Variants in TMEM181 observed in about 807,000 individuals in gnomAD.
The protein encoded by TMEM181 is G protein-coupled receptor 178.
In TMEM181, 39 loss-of-function variants were observed where a neutral mutation model predicts 71.9. That is an observed-to-expected ratio of 0.54 (90% confidence interval 0.42 to 0.71). The LOEUF (loss-of-function observed/expected upper bound fraction) is 0.71. TMEM181 is among the 30% of genes least tolerant of loss of function. The probability of loss-of-function intolerance (pLI) is 0.00; values close to 1 mark genes in which losing one functional copy is unlikely to be tolerated. For missense variants in TMEM181, 595 were observed against 583.0 expected, an observed-to-expected ratio of 1.02 and a Z score of -0.21; for synonymous variants, 245 against 228.8, an observed-to-expected ratio of 1.07 and a Z score of -0.64.
At chr6:158,543,986 C>T (rs146065776) in intron 1 of TMEM181, among the ~76,000 whole-genome samples, 1,559 of 152,222 alleles carry the variant, frequency 0.01, 12 homozygotes, top group Non-Finnish European at 0.017. Flanking sequence ...TTAGATCGGC[C>T]GCTGTGCTTA....
At chr6:158,573,613 T>A in intron 2 of TMEM181, 90 bp downstream of exon 2, 4 of 1,113,344 alleles carry the variant, frequency 3.6e-6, no homozygotes, top group Non-Finnish European at 5.3e-6. Context: ...GCCCCTATCT[T>A]CCACTGCTAA....
intron 1 of TMEM181, among the ~76,000 whole-genome samples, chr6:158,545,097 C>T (rs192169591): frequency 1.7e-3 from 258 of 152,312 alleles, no homozygotes; most frequent in Admixed American, 2.7e-3. Flanking sequence ...CTCCAGGCCC[C>T]GTTCCCCTGC....
intron 13 of TMEM181, chr6:158,626,490 C>T (rs1459038856): frequency 1.5e-5 from 7 of 456,426 alleles, no homozygotes; most frequent in East Asian, 7.0e-5. Context: ...GACAAGGGGC[C>T]TCTGGGAGGT....
At position 158,623,590 on chromosome 6, in the gene TMEM181, G is replaced by C; in HGVS notation, c.937G>C (p.Asp313His). 1 of 1,583,256 alleles carries C rather than the reference G, an allele frequency of 6.3e-7. No homozygotes were observed. The highest frequency in any genetic ancestry group is 8.6e-7 in the Non-Finnish European group (1 of 1,162,000). Residue 313 changes from aspartate (D) to histidine (H), a missense_variant, in exon 11 of 17, where the codon GAT becomes CAT. Coordinates refer to ENST00000684151, the MANE Select transcript of TMEM181 (RefSeq NM_001376852.1). ...LHDPMYQYRV[D>H]TGNFQGMKVF... Reference sequence around the variant, plus strand: ...TGATCCAATGTACCAGTATCGAGTTGATACCGGAAATTTTCAGGTAAGGAT... The same window carrying C: ...TGATCCAATGTACCAGTATCGAGTTCATACCGGAAATTTTCAGGTAAGGAT...
At position 158,631,983 on chromosome 6, in the gene TMEM181, A is replaced by T; in HGVS notation, c.*95A>T. On this transcript the variant is annotated 3_prime_UTR_variant, in exon 17 of 17. Coordinates refer to ENST00000684151, the MANE Select transcript of TMEM181 (RefSeq NM_001376852.1). ...CCTGTTATATTCAGATTTTTCTTAC[A>T]AGCAGAGATTTCCTGTTCATTTGTT... The T allele has an allele frequency of 8.6e-7, 1 of 1,169,354 alleles. No individual in the cohort carries two copies. The highest frequency in any genetic ancestry group is 1.2e-6 in the Non-Finnish European group (1 of 819,650). 72.4% of individuals were successfully genotyped at this position (1,169,354 alleles called of 1,614,324 possible).
Position 158,571,189 on chromosome 6 carries a change from C to T in TMEM181, c.9-2231C>T, listed in dbSNP as rs187470951. ...TTGGCTCACTGCAAGCTCCGCCTCC[C>T]GGGTTCGTGCCATTCTCCCGCCTCA... On this transcript the variant is annotated intron_variant, in intron 1 of 16. Coordinates refer to ENST00000684151, the MANE Select transcript of TMEM181 (RefSeq NM_001376852.1). 6.6e-3 allele frequency among the ~76,000 whole-genome samples: 999 copies of T among 152,252 alleles called. 9 individuals carry two copies. The highest frequency in any genetic ancestry group is 0.022 in the African/African-American group (902 of 41,560).
intron 16 of TMEM181, 41 bp downstream of exon 16, chr6:158,631,430 T>C: frequency 6.3e-7 from 1 of 1,597,688 alleles, no homozygotes; most frequent in East Asian, 2.2e-5. Flanking sequence ...ACCTTGGGCA[T>C]CCCGGCACGG....
chr6:158,558,655 CA>C (rs1455477080), upstream of TMEM181, among the ~76,000 whole-genome samples: 14 of 152,206 alleles, frequency 9.2e-5, no homozygotes, highest in Non-Finnish European at 1.8e-4. Context: ...GCATCCTCCT[CA>C]ATTAGGGTGT....
rs534206077 is a variant in TMEM181, at chr6:158,541,549, G to A, written c.131+4684G>A. On this transcript the variant is annotated intron_variant, in intron 1 of 16. Coordinates refer to the TMEM181 transcript ENST00000367090. ...GGCAGTATTGGCAGCCAGGCGCCAC[G>A]TCTCCCTCTCCCCACACAAAGCTCA... is the stretch of plus-strand genomic sequence containing the variant. Among the ~76,000 whole-genome samples the A allele has an allele frequency of 3.8e-4, 58 of 152,288 alleles. 1 individual carries two copies. In the East Asian group the frequency reaches 9.6e-3, roughly 25 times the overall value.
intron 10 of TMEM181, chr6:158,611,749 A>C (rs948103807): frequency 1.3e-5 from 3 of 235,780 alleles, no homozygotes; most frequent in African/African-American, 7.0e-5. Flanking sequence ...AAACAGGAAA[A>C]GCGGCTCAAC....
In TMEM181 at chr6:158,633,872, T is replaced by A. The variant is rs767441498; in HGVS notation, c.*1984T>A. ...TTTACAACTTCTAATAAGACTACTA[T>A]AACTTTATGTAAACTGATGAAGATG... is the stretch of plus-strand genomic sequence containing the variant. On this transcript the variant is annotated 3_prime_UTR_variant, in exon 17 of 17. Coordinates refer to ENST00000684151, the MANE Select transcript of TMEM181 (RefSeq NM_001376852.1). 2.6e-5 allele frequency: 4 copies of A among 152,234 alleles called. No homozygotes were observed. 9.4% of individuals were successfully genotyped at this position (152,234 alleles called of 1,614,324 possible). A position where few individuals can be genotyped will look rare whatever the true frequency, so the allele number is the denominator to read the frequency against.
chr6:158,597,274 C>G (rs1784432526), intron 6 of TMEM181, among the ~76,000 whole-genome samples: 1 of 152,156 alleles, frequency 6.6e-6, no homozygotes, highest in African/African-American at 2.4e-5. Context: ...GTGTCTTAGT[C>G]TATGCTTCTG....
At chr6:158,542,706 G>T (rs762554056) in intron 1 of TMEM181, among the ~76,000 whole-genome samples, 8 of 151,918 alleles carry the variant, frequency 5.3e-5, no homozygotes, top group Admixed American at 3.3e-4. Flanking sequence ...CTGGGTTCAA[G>T]CAATTCTTGT....
At chr6:158,611,020 C>G in intron 10 of TMEM181, 1 of 454,080 alleles carries the variant, frequency 2.2e-6, no homozygotes, top group Non-Finnish European at 4.3e-6. Flanking sequence ...ACCTCCCTAT[C>G]TTTATGCTTT....
chr6:158,609,013 G>C (rs943788348), intron 10 of TMEM181, among the ~76,000 whole-genome samples: 1 of 151,638 alleles, frequency 6.6e-6, no homozygotes, highest in Non-Finnish European at 1.5e-5. Context: ...TGGGAGGATC[G>C]CTTGAGCCTG....
chr6:158,536,759 G>T lies in TMEM181; in HGVS notation c.25G>T (p.Glu9Ter). The T allele has an allele frequency of 6.3e-7, 1 of 1,577,328 alleles. No homozygotes were observed. Residue 9 changes from glutamate to a stop codon, truncating the protein, a stop_gained, in exon 1 of 17, where the codon GAG (glutamate) becomes TAG (stop). Transcript: ENST00000367090. LOFTEE classifies it high-confidence loss of function. ...CATGGACGCCGAGTACCCTGCCTTTGAGCCCCCGCTCTGCAGCGAGCTCAA... is the reference window on the plus strand; with the variant it reads ...CATGGACGCCGAGTACCCTGCCTTTTAGCCCCCGCTCTGCAGCGAGCTCAA...
intron 3 of TMEM181, 79 bp downstream of exon 3, chr6:158,581,074 A>G: frequency 2.1e-6 from 3 of 1,412,404 alleles, no homozygotes; most frequent in Non-Finnish European, 2.0e-6. Flanking sequence ...TTCCGCTTAG[A>G]GTCTTTAAGG....
At chr6:158,541,327 G>T (rs1781332905) in intron 1 of TMEM181, among the ~76,000 whole-genome samples, 1 of 152,206 alleles carries the variant, frequency 6.6e-6, no homozygotes, top group South Asian at 2.1e-4. Flanking sequence ...TGAGGCAGGA[G>T]AATCGCTTGA....
At chr6:158,550,000 A>G (rs1781668540) in intron 1 of TMEM181, among the ~76,000 whole-genome samples, 1 of 126,984 alleles carries the variant, frequency 7.9e-6, no homozygotes, top group South Asian at 2.4e-4. Context: ...TTTGATTCTG[A>G]TAATTTTCCC....
Sources: gnomAD v4.1 joint callset for allele counts (sites outside exome capture counted in the v4.1 genomes callset) on GRCh38, gnomAD v4.1.1 for gene constraint, MANE v1.5 for transcripts, NCBI Gene and HGNC (gene_info 2026-07-23, HGNC 2026-07-21) for gene names.